WRAP73: variants seen among roughly 807,000 people sequenced by gnomAD.
WRAP73 encodes WD repeat containing, antisense to TP73, also known as WD repeat-containing protein WRAP73.
Under a neutral mutation model 59.6 loss-of-function variants are expected in WRAP73, and 55 were observed. The ratio of observed to expected loss-of-function variants is 0.92; its 90% CI spans 0.74 to 1.15. The LOEUF is 1.15. WRAP73 is among the 50% of genes most tolerant of loss of function. The probability of loss-of-function intolerance (pLI) is 0.00; values close to 1 mark genes in which losing one functional copy is unlikely to be tolerated. For missense variants in WRAP73, 592 were observed against 608.1 expected (o/e 0.97, Z 0.28); for synonymous variants, 265 against 258.2 (o/e 1.03, Z -0.25).
In WRAP73 at chr1:3,650,064, AGGCTG is replaced by A; in HGVS notation, c.-70_-66del. On this transcript the variant is annotated 5_prime_UTR_variant, in exon 1 of 12. Coordinates refer to ENST00000270708, the MANE Select transcript of WRAP73 (RefSeq NM_017818.4). ...CCCGCGGGACCCCTGGGCGCGCAGC[AGGCTG>A]CAACAGCCGACGCCGGCCTCCGAGG... 4.5e-6 allele frequency: 2 copies of A among 440,496 alleles called. No homozygotes were observed. Among genetic ancestry groups the A allele is most frequent in the Admixed American group, 6.2e-5 (1 of 16,244 alleles). The allele number at this position is 440,496 out of a possible 1,614,324, so 27.3% of individuals were successfully genotyped here.
At chr1:3,635,397 G>T in intron 6 of WRAP73, 103 bp from the exon 7 acceptor site, 1 of 1,515,762 alleles carries the variant, frequency 6.6e-7, no homozygotes, top group Non-Finnish European at 9.0e-7. Flanking sequence ...ATAGCACAAA[G>T]CTGGCAGGAC....
At chr1:3,649,365 A>G (rs1644718543) in intron 1 of WRAP73, among the ~76,000 whole-genome samples, 4 of 152,248 alleles carry the variant, frequency 2.6e-5, no homozygotes, top group Non-Finnish European at 5.9e-5. Context: ...GGAGAAGAGA[A>G]TTAGAGGAGA....
chr1:3,645,455 C>A (rs1181502447), intron 3 of WRAP73, among the ~76,000 whole-genome samples: 1 of 104,836 alleles, frequency 9.5e-6, no homozygotes, highest in Non-Finnish European at 2.4e-5. Context: ...CCGTGGTGTG[C>A]GCCGTGCAGC....
Position 3,638,859 on chromosome 1 carries a change from C to A in WRAP73, c.340-37G>T, listed in dbSNP as rs115453036. 1,549 of 1,610,898 alleles carry A rather than the reference C, an allele frequency of 9.6e-4. 17 individuals carry two copies. In the African/African-American group the frequency reaches 0.018, roughly 19 times the overall value. ...AAGGGGAAAGAGAAAGGAAACACTT[C>A]TTTAGCATCATCAGAGACCGTCTCA... On this transcript the variant is annotated intron_variant, in intron 3 of 11. Transcript: ENST00000270708.
chr1:3,646,227 TGGG>T lies in WRAP73; in HGVS notation c.339+436_339+438del. 6.6e-6 allele frequency among the ~76,000 whole-genome samples: 1 copy of T among 152,230 alleles called. No individual in the cohort carries two copies. Among genetic ancestry groups the T allele is most frequent in the Middle Eastern group, 3.4e-3 (1 of 294 alleles). ...CAGTAGCAGCCCAAAGCACGGGCGGTGGGGCTCGCAATCTGGATACGCCAAAGA... is the reference window on the plus strand; with the variant it reads ...CAGTAGCAGCCCAAAGCACGGGCGGTGCTCGCAATCTGGATACGCCAAAGA... On this transcript the variant is annotated intron_variant, in intron 3 of 11. Coordinates refer to ENST00000270708, the MANE Select transcript of WRAP73 (RefSeq NM_017818.4). This position sits in a 1 kb window ranked among gnomAD's most constrained non-coding sequence, Gnocchi z 5.1.
intron 3 of WRAP73, among the ~76,000 whole-genome samples, chr1:3,640,863 G>A (rs1239354554): frequency 6.6e-6 from 1 of 152,200 alleles, no homozygotes; most frequent in African/African-American, 2.4e-5. Flanking sequence ...AGAGTCACAG[G>A]AGAAAAGCAC....
At position 3,632,281 on chromosome 1, in the gene WRAP73, G is replaced by T. The variant is rs1415380912; in HGVS notation, c.980C>A (p.Ala327Glu). ...LQTLKPVTDR[A>E]NPKIGIGMLA... ...CATTCCTATGCCGATTTTCGGGTTT[G>T]CTCTGTCGGTAACAGGTTTCAGTGT... Residue 327 changes from alanine to glutamate, a missense_variant, in exon 10 of 12, where the codon GCA (alanine) becomes GAA (glutamate). Transcript: ENST00000270708. 1 of 1,614,062 alleles carries T rather than the reference G, an allele frequency of 6.2e-7. No homozygotes were observed. Among genetic ancestry groups the T allele is most frequent in the Non-Finnish European group, 8.5e-7 (1 of 1,180,030 alleles).
At position 3,636,419 on chromosome 1, in the gene WRAP73, G is replaced by A. The variant is rs761924220; in HGVS notation, c.517-389C>T. The A allele has an allele frequency of 6.4e-5, 20 of 312,442 alleles. No individual in the cohort carries two copies. In the Admixed American group the frequency reaches 6.6e-4, roughly 10 times the overall value. The allele number at this position is 312,442 out of a possible 1,614,324, so 19.4% of individuals were successfully genotyped here. On this transcript the variant is annotated intron_variant, in intron 5 of 11. Coordinates refer to ENST00000270708, the MANE Select transcript of WRAP73 (RefSeq NM_017818.4). ...CCCCCGAAGGTGGCTTGGTCTCCCCGCACCTGCACTCATGTGCACACTCTC... is the reference window on the plus strand; with the variant it reads ...CCCCCGAAGGTGGCTTGGTCTCCCCACACCTGCACTCATGTGCACACTCTC...
At position 3,646,236 on chromosome 1, in the gene WRAP73, C is replaced by T. The variant is rs1253623858; in HGVS notation, c.339+430G>A. ...CCCAAAGCACGGGCGGTGGGGCTCGCAATCTGGATACGCCAAAGAGAAGCC... is the reference window on the plus strand; with the variant it reads ...CCCAAAGCACGGGCGGTGGGGCTCGTAATCTGGATACGCCAAAGAGAAGCC... On this transcript the variant is annotated intron_variant, in intron 3 of 11. Transcript: ENST00000270708. This position sits in a 1 kb window ranked among gnomAD's most constrained non-coding sequence, Gnocchi z 5.1. Among the ~76,000 whole-genome samples the T allele has an allele frequency of 6.6e-6, 1 of 152,162 alleles. No homozygotes were observed. Among genetic ancestry groups the T allele is most frequent in the Admixed American group, 6.5e-5 (1 of 15,282 alleles).
rs1644621765 is a variant in WRAP73 at position 3,639,825 on chromosome 1, T to C, written c.340-1003A>G. Among the ~76,000 whole-genome samples the C allele has an allele frequency of 6.6e-6, 1 of 151,154 alleles. No individual in the cohort carries two copies. Among genetic ancestry groups the C allele is most frequent in the Admixed American group, 6.6e-5 (1 of 15,198 alleles). On this transcript the variant is annotated intron_variant, in intron 3 of 11. Transcript: ENST00000270708. This position sits in a 1 kb window ranked among gnomAD's most constrained non-coding sequence, Gnocchi z 4.3. ...CGCAGCTCCATGCGGGGTGGGGTGC[T>C]GACTGCCAGCTCCGTGTGTGTCAGG... is the stretch of plus-strand genomic sequence containing the variant.
At chr1:3,645,964 C>A (rs1416473081) in intron 3 of WRAP73, among the ~76,000 whole-genome samples, 2 of 152,284 alleles carry the variant, frequency 1.3e-5, no homozygotes, top group East Asian at 3.9e-4. Flanking sequence ...AAAGGGAGTG[C>A]CGAAATCCTA....
At position 3,631,080 on chromosome 1, in the gene WRAP73, G is replaced by A. The variant is rs759014250; in HGVS notation, c.1278C>T (p.Ser426=). The change falls in exon 12 of 12, where the codon AGC becomes AGT. Residue 426 remains serine (S), a synonymous_variant. Coordinates refer to ENST00000270708, the MANE Select transcript of WRAP73 (RefSeq NM_017818.4). ...TGCTGAGGAGGGCCATCGAGTCTCC[G>A]CTTAAATGCCAGCACAGAGAGAGCA... The part of the protein sequence containing the change: ...FAVLSLCWHL[S]GDSMALLSKD... 8 of 1,613,234 alleles carry A rather than the reference G, an allele frequency of 5.0e-6. No individual in the cohort carries two copies. The highest frequency in any genetic ancestry group is 2.7e-5 in the African/African-American group (2 of 74,924).
chr1:3,631,570 A>T lies in WRAP73; in HGVS notation c.1136T>A (p.Phe379Tyr), dbSNP rs1176156205. Residue 379 changes from phenylalanine (F) to tyrosine (Y), a missense_variant, in exon 11 of 12, where the codon TTT becomes TAT. Phe to Tyr is a conservative substitution (Grantham distance 22, BLOSUM62 3). Transcript: ENST00000270708. Reference protein sequence around the residue: ...VLEQLSPVRAFQWDPQQPRLA... With the variant: ...VLEQLSPVRAYQWDPQQPRLA... ...CCGCGGCTGCTGCGGGTCCCACTGA[A>T]ATGCGCGCACTGGGGACAGCTGCTC... 6.2e-7 allele frequency: 1 copy of T among 1,611,342 alleles called. No homozygotes were observed. Among genetic ancestry groups the T allele is most frequent in the South Asian group, 1.1e-5 (1 of 90,996 alleles).
chr1:3,636,398 C>A (rs1002144660), intron 5 of WRAP73: 4 of 316,984 alleles, frequency 1.3e-5, no homozygotes, highest in Non-Finnish European at 2.4e-5. Context: ...GGCCAGCCCC[C>A]GAAGGTGGCT....
chr1:3,647,483 G>C lies in WRAP73; in HGVS notation c.147C>G (p.Asp49Glu), dbSNP rs745859408. 1.2e-5 allele frequency: 19 copies of C among 1,614,028 alleles called. No homozygotes were observed. Among genetic ancestry groups the C allele is most frequent in the Non-Finnish European group, 1.6e-5 (19 of 1,179,958 alleles). ...LQILQLYTCL[D>E]QIQHIEWSAD... The stretch of plus-strand genomic sequence containing the variant: ...CCGACCACTCGATGTGCTGGATCTG[G>C]TCTAGGCACGTGTACAGCTGAAGGA... The change falls in exon 2 of 12, where the codon GAC becomes GAG. Residue 49 changes from aspartate (D) to glutamate (E), a missense_variant. Physicochemically the swap from Asp to Glu is conservative, Grantham distance 45. Coordinates refer to ENST00000270708, the MANE Select transcript of WRAP73 (RefSeq NM_017818.4).
In WRAP73 at chr1:3,639,891, G is replaced by A. The variant is rs548547225; in HGVS notation, c.340-1069C>T. Among the ~76,000 whole-genome samples, 12 of 152,240 alleles carry A rather than the reference G, an allele frequency of 7.9e-5. No individual in the cohort carries two copies. The highest frequency in any genetic ancestry group is 2.1e-4 in the South Asian group (1 of 4,828). ...AGGATGAGGCCCGGGGTGGGGGACC[G>A]TCTCCAGCAGCGTAAGTGGGGCCGC... is the stretch of plus-strand genomic sequence containing the variant. On this transcript the variant is annotated intron_variant, in intron 3 of 11. Transcript: ENST00000270708. The surrounding 1 kb of genome is among the most constrained non-coding windows in gnomAD (Gnocchi z 4.3).
intron 1 of WRAP73, among the ~76,000 whole-genome samples, chr1:3,648,441 G>C (rs939779959): frequency 1.3e-5 from 2 of 152,170 alleles, no homozygotes; most frequent in Admixed American, 1.3e-4. Flanking sequence ...AGAGACAGGC[G>C]GGTGACGGCA....
At position 3,632,346 on chromosome 1, in the gene WRAP73, A is replaced by C. The variant is rs749055719; in HGVS notation, c.923-8T>G. ...GGACAGAGGCGATCTCATCTAGAAC[A>C]CCAACAGGAAGAACACGCCATTGTC... On this transcript the variant is annotated splice_region_variant and splice_polypyrimidine_tract_variant and intron_variant, in intron 9 of 11. Coordinates refer to ENST00000270708, the MANE Select transcript of WRAP73 (RefSeq NM_017818.4). The C allele has an allele frequency of 1.2e-6, 2 of 1,614,062 alleles. No homozygotes were observed. The highest frequency in any genetic ancestry group is 1.7e-6 in the Non-Finnish European group (2 of 1,179,982).
Position 3,631,546 on chromosome 1 carries a change from C to T in WRAP73, c.1160G>A (p.Arg387Gln), listed in dbSNP as rs143591098. The change falls in exon 11 of 12, where the codon CGG becomes CAG. Residue 387 changes from arginine (R) to glutamine (Q), a missense_variant. Transcript: ENST00000270708. ...RAFQWDPQQP[R>Q]LAICTGGSRL... ...GCTGCCTCCCGTGCAGATGGCCAGC[C>T]GCGGCTGCTGCGGGTCCCACTGAAA... 21 of 1,610,946 alleles carry T rather than the reference C, an allele frequency of 1.3e-5. No individual in the cohort carries two copies. The African/African-American group carries it at 1.7e-4, about 13-fold the overall frequency.
Sources: allele counts gnomAD v4.1 joint callset (sites outside exome capture counted in the v4.1 genomes callset), GRCh38; gene constraint gnomAD v4.1.1; non-coding constraint Gnocchi (gnomAD v3.1); transcripts MANE v1.5; gene names NCBI Gene and HGNC (gene_info 2026-07-23, HGNC 2026-07-21).